The following NOTCH1 variants were observed in gnomAD, a reference collection of about 807,000 sequenced individuals.
The protein encoded by NOTCH1 is notch receptor 1.
A neutral mutation model predicts 254.8 loss-of-function variants in NOTCH1; 37 were observed. The observed-to-expected ratio is 0.15, with a 90% CI of 0.11 to 0.19. NOTCH1 has a LOEUF of 0.19. Ranked by LOEUF, NOTCH1 falls within the 10% of genes least tolerant of loss-of-function variation. NOTCH1 has a pLI of 1.00. For missense variants in NOTCH1, 2,972 were observed against 3,708.6 expected, an observed-to-expected ratio of 0.80 and a Z score of 5.16; for synonymous variants, 1,731 against 1,618.1, an observed-to-expected ratio of 1.07 and a Z score of -1.68.
intron 2 of NOTCH1, among the ~76,000 whole-genome samples, chr9:136,536,624 C>A (rs1300658475): frequency 6.6e-6 from 1 of 152,242 alleles, no homozygotes; most frequent in Non-Finnish European, 1.5e-5. Flanking sequence ...TGACCCTGTC[C>A]CAGCCAGCGT....
In NOTCH1 at chr9:136,530,225, G is replaced by A. The variant is rs575103819; in HGVS notation, c.141-6246C>T. 9.8e-5 allele frequency among the ~76,000 whole-genome samples: 15 copies of A among 152,360 alleles called. No individual in the cohort carries two copies. In the South Asian group the frequency reaches 2.1e-3, roughly 21 times the overall value. On this transcript the variant is annotated intron_variant, in intron 2 of 33. Transcript: ENST00000651671. ...CTTTCCGGCCCAAACAGCTGTTGCC[G>A]GCACCCCCAGCTCTTTTGTCTGCAA...
chr9:136,539,697 G>C (rs1015443040), intron 2 of NOTCH1, among the ~76,000 whole-genome samples: 1 of 152,182 alleles, frequency 6.6e-6, no homozygotes, highest in Non-Finnish European at 1.5e-5. Context: ...TGAAGACCAG[G>C]TTCTGCATAA....
chr9:136,505,480 G>A lies in NOTCH1; in HGVS notation c.4416C>T (p.Cys1472=), dbSNP rs751045451. ...VCSLQCNNHA[C]GWDGGDCSLN... ...GGGAGCAGTCACCGCCGTCCCAGCC[G>A]CACGCGTGGTTGTTGCACTGCAGGC... Residue 1472 remains cysteine, a synonymous_variant, in exon 25 of 34, where the codon TGC becomes TGT. Coordinates refer to ENST00000651671, the MANE Select transcript of NOTCH1 (RefSeq NM_017617.5). 6 of 1,612,730 alleles carry A rather than the reference G, an allele frequency of 3.7e-6. No individual in the cohort carries two copies. The highest frequency in any genetic ancestry group is 3.3e-5 in the South Asian group (3 of 91,094).
chr9:136,530,972 G>A (rs1418478270), intron 2 of NOTCH1, among the ~76,000 whole-genome samples: 1 of 152,242 alleles, frequency 6.6e-6, no homozygotes, highest in Non-Finnish European at 1.5e-5. Context: ...CACTGCTCCT[G>A]AACAGATCCT....
In NOTCH1 at chr9:136,500,602, G is replaced by A. The variant is rs1186696796; in HGVS notation, c.5884C>T (p.Arg1962Cys). 13 of 1,611,946 alleles carry A rather than the reference G, an allele frequency of 8.1e-6. No individual in the cohort carries two copies. Among genetic ancestry groups the A allele is most frequent in the Middle Eastern group, 1.6e-4 (1 of 6,084 alleles). Residue 1962 changes from arginine to cysteine, a missense_variant, in exon 31 of 34, where the codon CGC becomes TGC. Coordinates refer to ENST00000651671, the MANE Select transcript of NOTCH1 (RefSeq NM_017617.5). ...ADANIQDNMGRTPLHAAVSAD... is the reference protein window; with the variant it reads ...ADANIQDNMGCTPLHAAVSAD... ...GACACAGCCGCATGCAGCGGGGTGCGGCCCATGTTGTCCTGGATGTTGGCA... is the reference window on the plus strand; with the variant it reads ...GACACAGCCGCATGCAGCGGGGTGCAGCCCATGTTGTCCTGGATGTTGGCA...
intron 33 of NOTCH1, among the ~76,000 whole-genome samples, chr9:136,498,032 C>G (rs1842944182): frequency 1.3e-5 from 2 of 152,110 alleles, no homozygotes; most frequent in Non-Finnish European, 2.9e-5. Context: ...GGACACGTCA[C>G]AGGTCTGGGT....
rs540035551 is a variant in NOTCH1 at position 136,523,244 on chromosome 9, C to A, written c.404-56G>T. The stretch of plus-strand genomic sequence containing the variant: ...GGCCTCACTGCTCCCCGAGGCCGGG[C>A]CTTCCCTCCCTTCAGGCCACCTGGA... On this transcript the variant is annotated intron_variant, in intron 3 of 33. Transcript: ENST00000651671. The A allele has an allele frequency of 1.1e-4, 173 of 1,517,156 alleles. No individual in the cohort carries two copies. In the African/African-American group the frequency reaches 2.1e-3, roughly 18 times the overall value. 94.0% of individuals were successfully genotyped at this position (1,517,156 alleles called of 1,614,324 possible). A position where few individuals can be genotyped will look rare whatever the true frequency, so the allele number is the denominator to read the frequency against.
At chr9:136,516,187 C>T (rs1049501953) in intron 9 of NOTCH1, 93 bp from the exon 10 acceptor site, 3 of 942,870 alleles carry the variant, frequency 3.2e-6, no homozygotes, top group Non-Finnish European at 5.0e-6. Flanking sequence ...GAGCGCCTGG[C>T]TGGGCTCCCC....
chr9:136,520,732 CA>C (rs10711760), intron 4 of NOTCH1, among the ~76,000 whole-genome samples: 46,550 of 140,434 alleles, frequency 0.33, 8,368 homozygotes, highest in East Asian at 0.74. Flanking sequence ...AGACCTGTCT[CA>C]AAAAAAAAAA....
chr9:136,512,096 C>T (rs1438299352), intron 15 of NOTCH1, among the ~76,000 whole-genome samples: 2 of 152,238 alleles, frequency 1.3e-5, no homozygotes, highest in Non-Finnish European at 2.9e-5. Context: ...CGAAAGGAAG[C>T]AGGAAGCGGG....
intron 4 of NOTCH1, among the ~76,000 whole-genome samples, chr9:136,522,330 A>T (rs2133376648): frequency 6.6e-6 from 1 of 152,280 alleles, no homozygotes; most frequent in South Asian, 2.1e-4. Flanking sequence ...TGCAAAATTT[A>T]CTCAAACAAG....
At chr9:136,522,358 T>C (rs1463087511) in intron 4 of NOTCH1, among the ~76,000 whole-genome samples, 2 of 152,164 alleles carry the variant, frequency 1.3e-5, no homozygotes. Context: ...GCAGAGAGGC[T>C]CCTACGTACA....
intron 2 of NOTCH1, among the ~76,000 whole-genome samples, chr9:136,532,276 G>A (rs1317519086): frequency 6.6e-6 from 1 of 152,162 alleles, no homozygotes; most frequent in African/African-American, 2.4e-5. Flanking sequence ...GGCTGGACTT[G>A]GCAGGTCCTA....
rs746827857 is a variant in NOTCH1, at chr9:136,522,877, C to T, written c.715G>A (p.Val239Ile). Residue 239 changes from valine (V) to isoleucine (I), a missense_variant, in exon 4 of 34, where the codon GTC becomes ATC. Physicochemically the swap from Val to Ile is conservative, Grantham distance 29. This residue lies in a region of NOTCH1 where 374 missense variants were observed against 496.3 expected (regional missense o/e 0.75). Coordinates refer to ENST00000651671, the MANE Select transcript of NOTCH1 (RefSeq NM_017617.5). Reference protein sequence around the residue: ...NGGTCRPTGDVTHECACLPGF... With the variant: ...NGGTCRPTGDITHECACLPGF... ...GGCAGGCAGGCACACTCGTGGGTGA[C>T]GTCGCCCGTGGGGCGGCAGGTGCCC... The T allele has an allele frequency of 5.3e-6, 8 of 1,519,294 alleles. No homozygotes were observed. Among genetic ancestry groups the T allele is most frequent in the South Asian group, 3.7e-5 (3 of 80,418 alleles). 94.1% of individuals were successfully genotyped at this position (1,519,294 alleles called of 1,614,324 possible).
chr9:136,505,796 G>T lies in NOTCH1; in HGVS notation c.4100C>A (p.Pro1367Gln). The T allele has an allele frequency of 6.3e-7, 1 of 1,584,222 alleles. No homozygotes were observed. The highest frequency in any genetic ancestry group is 1.7e-5 in the Admixed American group (1 of 57,846). Reference sequence around the variant, plus strand: ...CAGGCACAGGCAGGTGGGGCTGCGCGGGCCGGAGATGCATGTGCCGCCGTT... The same window carrying T: ...CAGGCACAGGCAGGTGGGGCTGCGCTGGCCGGAGATGCATGTGCCGCCGTT... ...CLNGGTCISG[P>Q]RSPTCLCLGP... is the part of the protein sequence containing the mutation. The change falls in exon 25 of 34, where the codon CCG becomes CAG. Residue 1367 changes from proline to glutamine, a missense_variant. Physicochemically the swap from Pro to Gln is moderately conservative, Grantham distance 76. Transcript: ENST00000651671.
Position 136,523,943 on chromosome 9 carries a change from G to T in NOTCH1, c.177C>A (p.Asp59Glu). ...GGAFVGPRCQ[D>E]PNPCLSTPCK... is the part of the protein sequence containing the mutation. ...AGGGGGTGCTGAGGCACGGGTTGGG[G>T]TCCTGGCATCGCGGGCCCACGAAGG... The change falls in exon 3 of 34, where the codon GAC becomes GAA. Residue 59 changes from aspartate to glutamate, a missense_variant. Coordinates refer to ENST00000651671, the MANE Select transcript of NOTCH1 (RefSeq NM_017617.5). 1 of 1,580,246 alleles carries T rather than the reference G, an allele frequency of 6.3e-7. No individual in the cohort carries two copies. Among genetic ancestry groups the T allele is most frequent in the African/African-American group, 1.3e-5 (1 of 74,516 alleles).
In NOTCH1 at chr9:136,513,267, A is replaced by C. The variant is rs1412917535; in HGVS notation, c.2353+125T>G. The C allele has an allele frequency of 3.3e-6, 5 of 1,511,402 alleles. No individual in the cohort carries two copies. Among genetic ancestry groups the C allele is most frequent in the Non-Finnish European group, 4.6e-6 (5 of 1,096,274 alleles). 93.6% of individuals were successfully genotyped at this position (1,511,402 alleles called of 1,614,324 possible). The stretch of plus-strand genomic sequence containing the variant: ...CTCCAAGAGCCAGAGGCCTGGAGCT[A>C]AGGCTTTGCCACGGGAGGGAGACAC... On this transcript the variant is annotated intron_variant, in intron 14 of 33. Transcript: ENST00000651671. This position sits in a 1 kb window ranked among gnomAD's most constrained non-coding sequence, Gnocchi z 4.7.
chr9:136,498,657 G>A (rs1371123838), intron 33 of NOTCH1, among the ~76,000 whole-genome samples: 1 of 152,194 alleles, frequency 6.6e-6, no homozygotes, highest in African/African-American at 2.4e-5. Context: ...GGTCTGAGGG[G>A]CGAGCCGCCG....
rs761461001 is a variant in NOTCH1, at chr9:136,511,209, A to G, written c.2530T>C (p.Cys844Arg). 6.2e-7 allele frequency: 1 copy of G among 1,609,378 alleles called. No homozygotes were observed. Among genetic ancestry groups the G allele is most frequent in the South Asian group, 1.1e-5 (1 of 90,954 alleles). ...CTCTCATAGTCCTCGGATTGCCTGCACTCCCCGCCGTTTCTGCAGGGGCTG... is the reference window on the plus strand; with the variant it reads ...CTCTCATAGTCCTCGGATTGCCTGCGCTCCCCGCCGTTTCTGCAGGGGCTG... ...APSPCRNGGE[C>R]RQSEDYESFS... Residue 844 changes from cysteine to arginine, a missense_variant, in exon 16 of 34, where the codon TGC becomes CGC. Around this residue, in one of 8 missense-constraint regions of NOTCH1, gnomAD observed 1,343 missense variants for 1,557.0 expected, o/e 0.86. Transcript: ENST00000651671.
Sources: gnomAD v4.1 joint callset for allele counts (sites outside exome capture counted in the v4.1 genomes callset) on GRCh38, gnomAD v4.1.1 for gene constraint, gnomAD v4.1.1 regional missense constraint, Gnocchi (gnomAD v3.1) non-coding constraint, MANE v1.5 for transcripts, NCBI Gene and HGNC (gene_info 2026-07-23, HGNC 2026-07-21) for gene names.